ABI3BP: variants seen among roughly 807,000 people sequenced by gnomAD.
ABI3BP encodes ABI family member 3 binding protein.
ABI3BP carries 216 observed loss-of-function variants against 268.6 expected under a neutral mutation model. The ratio of observed to expected loss-of-function variants is 0.80; its 90% confidence interval spans 0.72 to 0.90. The LOEUF (loss-of-function observed/expected upper bound fraction) is 0.90. Among genes scored for constraint, ABI3BP ranks in the 40% least tolerant of loss-of-function variants. ABI3BP has a pLI of 0.00. For synonymous variants in ABI3BP, 730 were observed against 730.0 expected, an observed-to-expected ratio of 1.00 and a Z score of 0.00; for missense variants, 2,090 against 2,182.4, an observed-to-expected ratio of 0.96 and a Z score of 0.84.
chr3:100,787,612 A>G (rs1480766711), intron 57 of ABI3BP, 116 bp downstream of exon 57: 1 of 851,608 alleles, frequency 1.2e-6, no homozygotes, highest in Admixed American at 3.5e-5. Context: ...AGAGTTACTA[A>G]GAACTTTAAA....
chr3:100,830,843 T>C (rs73135580), intron 31 of ABI3BP, among the ~76,000 whole-genome samples: 21,096 of 152,154 alleles, frequency 0.14, 1,905 homozygotes, highest in South Asian at 0.27. Context: ...CAGTCAGCAA[T>C]AGCCTTTGGA....
At chr3:100,987,808 A>G (rs1209738672) in intron 1 of ABI3BP, among the ~76,000 whole-genome samples, 1 of 152,230 alleles carries the variant, frequency 6.6e-6, no homozygotes, top group Non-Finnish European at 1.5e-5. Context: ...TTACATAAAC[A>G]CAGCATTAAA....
intron 61 of ABI3BP, among the ~76,000 whole-genome samples, chr3:100,773,165 A>G (rs1212773227): frequency 6.6e-6 from 1 of 152,028 alleles, no homozygotes; most frequent in Non-Finnish European, 1.5e-5. Flanking sequence ...CTAAAAATTG[A>G]TACACCGAGC....
At chr3:100,783,289 G>A (rs894690280) in intron 57 of ABI3BP, among the ~76,000 whole-genome samples, 5 of 152,170 alleles carry the variant, frequency 3.3e-5, no homozygotes, top group Admixed American at 1.3e-4. Context: ...AGCCTGAGGG[G>A]ACTGGATTAT....
intron 20 of ABI3BP, among the ~76,000 whole-genome samples, chr3:100,845,579 T>G (rs1560737418): frequency 6.6e-6 from 1 of 152,194 alleles, no homozygotes; most frequent in Non-Finnish European, 1.5e-5. Context: ...TTAATGGAAA[T>G]GCAAGTTCAA....
intron 6 of ABI3BP, among the ~76,000 whole-genome samples, chr3:100,880,316 G>A (rs2099214343): frequency 6.6e-6 from 1 of 152,030 alleles, no homozygotes; most frequent in Non-Finnish European, 1.5e-5. Flanking sequence ...TTCCCTTGCT[G>A]GCTCTCTTTT....
At chr3:100,834,836 A>T in intron 28 of ABI3BP, 63 bp from the exon 29 acceptor site, 1 of 1,452,694 alleles carries the variant, frequency 6.9e-7, no homozygotes. Context: ...AGGATTACAC[A>T]TGGTTCTAGG....
intron 4 of ABI3BP, among the ~76,000 whole-genome samples, chr3:100,898,271 G>A (rs1003577271): frequency 2.0e-5 from 3 of 152,100 alleles, no homozygotes; most frequent in Non-Finnish European, 2.9e-5. Flanking sequence ...CAAATGGCTG[G>A]GCCCCACCTT....
At chr3:100,848,726 T>C in intron 18 of ABI3BP, 75 bp downstream of exon 18, 1 of 1,458,036 alleles carries the variant, frequency 6.9e-7, no homozygotes, top group Middle Eastern at 1.8e-4. Flanking sequence ...TGCACCTGGC[T>C]ATCCTTCTTA....
At chr3:100,993,226 C>G in intron 1 of ABI3BP, 80 bp downstream of exon 1, 2 of 1,025,050 alleles carry the variant, frequency 2.0e-6, no homozygotes, top group Non-Finnish European at 2.9e-6. Context: ...TATGGTAAAG[C>G]AGATCATATT....
In ABI3BP at chr3:100,967,992, G is replaced by A. The variant is rs2082013309; in HGVS notation, c.79+25314C>T. ...TTCACTGAAATGACTGAGATTAGGA[G>A]GGGGCCAACCATCAGATGGTTGAAA... On this transcript the variant is annotated intron_variant, in intron 1 of 67. Transcript: ENST00000471714. Among the ~76,000 whole-genome samples the A allele has an allele frequency of 2.6e-5, 4 of 152,170 alleles. No individual in the cohort carries two copies. The South Asian group carries it at 8.3e-4, about 32-fold the overall frequency.
chr3:100,933,410 C>T (rs2064478671), intron 1 of ABI3BP, among the ~76,000 whole-genome samples: 1 of 151,718 alleles, frequency 6.6e-6, no homozygotes, highest in Non-Finnish European at 1.5e-5. Context: ...ACTTACAGTG[C>T]CAACCTCTAT....
intron 56 of ABI3BP, among the ~76,000 whole-genome samples, chr3:100,788,980 A>G (rs1310576168): frequency 6.6e-6 from 1 of 152,116 alleles, no homozygotes; most frequent in Non-Finnish European, 1.5e-5. Context: ...TAGTAAATTT[A>G]ACGTATTTCC....
chr3:100,785,441 A>AT (rs2097005319), intron 57 of ABI3BP, among the ~76,000 whole-genome samples: 1 of 152,052 alleles, frequency 6.6e-6, no homozygotes, highest in South Asian at 2.1e-4. Flanking sequence ...ATTTTTAAAC[A>AT]TTTTTTCCTC....
Position 100,817,307 on chromosome 3 carries a change from T to C in ABI3BP, c.3148+129A>G, listed in dbSNP as rs970963190. 2.1e-5 allele frequency: 13 copies of C among 620,960 alleles called. No individual in the cohort carries two copies. The African/African-American group carries it at 2.4e-4, about 11-fold the overall frequency. The allele number at this position is 620,960 out of a possible 1,614,324, so 38.5% of individuals were successfully genotyped here. A position where few individuals can be genotyped will look rare whatever the true frequency, so the allele number is the denominator to read the frequency against. ...TCAAATATAAAGTTGAAGGACAATA[T>C]AAAGTTGAAGGATAGCAGAAGATGA... On this transcript the variant is annotated intron_variant, in intron 42 of 67. Transcript: ENST00000471714.
chr3:100,928,103 ACC>A (rs1162498901), intron 1 of ABI3BP, among the ~76,000 whole-genome samples: 9 of 151,718 alleles, frequency 5.9e-5, no homozygotes, highest in African/African-American at 1.5e-4. Context: ...GTTGATCAAG[ACC>A]CCATTGAGGA....
At chr3:100,878,816 A>G (rs1012953691) in intron 6 of ABI3BP, among the ~76,000 whole-genome samples, 6 of 121,724 alleles carry the variant, frequency 4.9e-5, no homozygotes, top group African/African-American at 1.3e-4. Context: ...CGTTGCTGGC[A>G]TATAGCCTCT....
At chr3:100,933,847 T>C (rs967028994) in intron 1 of ABI3BP, among the ~76,000 whole-genome samples, 10 of 151,918 alleles carry the variant, frequency 6.6e-5, no homozygotes, top group African/African-American at 2.4e-4. Flanking sequence ...GTAAATATTT[T>C]AGGTTTGTCA....
intron 65 of ABI3BP, among the ~76,000 whole-genome samples, chr3:100,753,616 A>C (rs2095457931): frequency 6.6e-6 from 1 of 152,174 alleles, no homozygotes; most frequent in Admixed American, 6.5e-5. Flanking sequence ...GAGTGAAAGC[A>C]AATTTCAAAA....
Sources: gnomAD v4.1 joint callset for allele counts (sites outside exome capture counted in the v4.1 genomes callset) on GRCh38, gnomAD v4.1.1 for gene constraint, MANE v1.5 for transcripts, NCBI Gene and HGNC (gene_info 2026-07-23, HGNC 2026-07-21) for gene names.